The following SLC12A1 variants were observed in gnomAD, a reference collection of about 807,000 sequenced individuals.
SLC12A1 encodes the protein Na-K-2Cl cotransporter.
A neutral mutation model predicts 130.4 loss-of-function variants in SLC12A1; 89 were observed. The ratio of observed to expected loss-of-function variants is 0.68; its 90% CI spans 0.58 to 0.81. SLC12A1 has a LOEUF of 0.81. SLC12A1 is among the 40% of genes least tolerant of loss of function. SLC12A1 has a pLI of 0.00. For missense variants in SLC12A1, 1,310 were observed against 1,336.4 expected, an observed-to-expected ratio of 0.98 and a Z score of 0.31; for synonymous variants, 499 against 460.0, an observed-to-expected ratio of 1.08 and a Z score of -1.09.
chr15:48,274,683 T>C (rs141918545), intron 20 of SLC12A1, 30 bp downstream of exon 20: 116 of 1,478,954 alleles, frequency 7.8e-5, no homozygotes, highest in Non-Finnish European at 1.0e-4. Flanking sequence ...AACCAACAAG[T>C]ATTTATTGAG....
chr15:48,293,872 C>A lies in SLC12A1; in HGVS notation c.2960+2008C>A, dbSNP rs114214492. On this transcript the variant is annotated intron_variant, in intron 24 of 26. Transcript: ENST00000380993. ...GCAGCCTAGGCAACATAGCAAGACCCCCAAAAATAGCAAAAATTTGCCAGG... is the reference window on the plus strand; with the variant it reads ...GCAGCCTAGGCAACATAGCAAGACCACCAAAAATAGCAAAAATTTGCCAGG... Among the ~76,000 whole-genome samples, 16 of 151,562 alleles carry A rather than the reference C, an allele frequency of 1.1e-4. 1 individual carries two copies. Among genetic ancestry groups the A allele is most frequent in the Admixed American group, 3.9e-4 (6 of 15,216 alleles).
intron 15 of SLC12A1, among the ~76,000 whole-genome samples, chr15:48,255,451 A>G (rs12591900): frequency 0.14 from 20,893 of 151,692 alleles, 2,903 homozygotes; most frequent in African/African-American, 0.35. Context: ...AAAAAAAAAA[A>G]AAGAAGAATT....
chr15:48,277,319 A>T (rs55831142), intron 20 of SLC12A1, among the ~76,000 whole-genome samples: 18,924 of 152,034 alleles, frequency 0.12, 1,296 homozygotes, highest in Admixed American at 0.17. Context: ...AAATTAAAAA[A>T]TTTTTAAAAA....
At chr15:48,284,760 C>T (rs2141110587) in intron 20 of SLC12A1, among the ~76,000 whole-genome samples, 1 of 152,252 alleles carries the variant, frequency 6.6e-6, no homozygotes, top group South Asian at 2.1e-4. Flanking sequence ...TCACCTCGGC[C>T]TCCCAAGTAG....
intron 2 of SLC12A1, among the ~76,000 whole-genome samples, chr15:48,218,197 A>T (rs1370617749): frequency 1.3e-5 from 2 of 152,204 alleles, no homozygotes; most frequent in East Asian, 1.9e-4. Context: ...GAATCATCCT[A>T]TAATAATGGT....
chr15:48,248,410 C>T (rs1282520261), intron 13 of SLC12A1, among the ~76,000 whole-genome samples: 1 of 152,218 alleles, frequency 6.6e-6, no homozygotes, highest in Non-Finnish European at 1.5e-5. Context: ...TTGCCCTGTG[C>T]TGCATTTAAG....
intron 16 of SLC12A1, among the ~76,000 whole-genome samples, chr15:48,257,199 G>A (rs1157180975): frequency 6.6e-6 from 1 of 152,230 alleles, no homozygotes; most frequent in South Asian, 2.1e-4. Flanking sequence ...GGTTCCCAAG[G>A]TGTTGAGCAG....
In SLC12A1 at chr15:48,220,522, G is replaced by T. The variant is rs1010061593; in HGVS notation, c.421-112G>T. On this transcript the variant is annotated intron_variant, in intron 2 of 26. Transcript: ENST00000380993. Reference sequence around the variant, plus strand: ...TTCTCAGAATATATTTAGTTTGGGGGTTTTTTGGTATTTTAAGTTTTATTT... The same window carrying T: ...TTCTCAGAATATATTTAGTTTGGGGTTTTTTTGGTATTTTAAGTTTTATTT... The T allele has an allele frequency of 1.3e-4, 142 of 1,064,748 alleles. No individual in the cohort carries two copies. The African/African-American group carries it at 1.4e-3, about 10-fold the overall frequency. 66.0% of individuals were successfully genotyped at this position (1,064,748 alleles called of 1,614,324 possible). A position where few individuals can be genotyped will look rare whatever the true frequency, so the allele number is the denominator to read the frequency against.
At chr15:48,234,193 G>A (rs375473410) in intron 8 of SLC12A1, among the ~76,000 whole-genome samples, 1 of 152,158 alleles carries the variant, frequency 6.6e-6, no homozygotes, top group African/African-American at 2.4e-5. Context: ...ATGTAGTTGT[G>A]TGTGTGTGTG....
chr15:48,239,917 C>T (rs1179994186), intron 9 of SLC12A1, among the ~76,000 whole-genome samples: 1 of 151,346 alleles, frequency 6.6e-6, no homozygotes, highest in Non-Finnish European at 1.5e-5. Flanking sequence ...TCCCAAAGTG[C>T]TGGGATTACA....
intron 12 of SLC12A1, 73 bp downstream of exon 12, chr15:48,247,089 C>T (rs2041591587): frequency 1.4e-5 from 18 of 1,244,890 alleles, no homozygotes; most frequent in Non-Finnish European, 1.6e-5. Context: ...CTGAAATATT[C>T]GTTCTCACTG....
At chr15:48,299,439 G>T (rs1236902885) in intron 25 of SLC12A1, among the ~76,000 whole-genome samples, 164 bp downstream of exon 25, 3 of 152,132 alleles carry the variant, frequency 2.0e-5, no homozygotes, top group African/African-American at 7.2e-5. Context: ...TACTGGATAC[G>T]ATTATTTAGA....
Position 48,267,622 on chromosome 15 carries a change from T to C in SLC12A1, c.2216T>C (p.Leu739Pro), listed in dbSNP as rs1260839803. ...NSGMAKKQAW[L>P]IKNKIKAFYA... is the part of the protein sequence containing the mutation. Reference sequence around the variant, plus strand: ...GGCATGGCGAAAAAACAGGCCTGGCTTATAAAGAACAAAATCAAGGCTTTT... The same window carrying C: ...GGCATGGCGAAAAAACAGGCCTGGCCTATAAAGAACAAAATCAAGGCTTTT... The change falls in exon 18 of 27, where the codon CTT (leucine) becomes CCT (proline). Residue 739 changes from leucine to proline, a missense_variant. Transcript: ENST00000380993. The C allele has an allele frequency of 6.2e-7, 1 of 1,613,496 alleles. No homozygotes were observed. The highest frequency in any genetic ancestry group is 8.5e-7 in the Non-Finnish European group (1 of 1,179,650).
rs114592198 is a variant in SLC12A1, at chr15:48,225,736, T to A, written c.629-740T>A. On this transcript the variant is annotated intron_variant, in intron 4 of 26. Coordinates refer to ENST00000380993, the MANE Select transcript of SLC12A1 (RefSeq NM_000338.3). ...ACTCCATGGTGATTTCCTAGCCAACTTGTTAAACTCAAATGTGGTCCTTTG... is the reference window on the plus strand; with the variant it reads ...ACTCCATGGTGATTTCCTAGCCAACATGTTAAACTCAAATGTGGTCCTTTG... The A allele has an allele frequency of 1.2e-3, 215 of 178,318 alleles. 1 individual carries two copies. Among genetic ancestry groups the A allele is most frequent in the African/African-American group, 5.0e-3 (209 of 42,026 alleles). 11.0% of individuals were successfully genotyped at this position (178,318 alleles called of 1,614,324 possible). A position where few individuals can be genotyped will look rare whatever the true frequency, so the allele number is the denominator to read the frequency against.
chr15:48,246,509 G>A (rs372820743), intron 11 of SLC12A1, among the ~76,000 whole-genome samples: 7 of 152,292 alleles, frequency 4.6e-5, no homozygotes, highest in Middle Eastern at 3.4e-3. Flanking sequence ...GGCCAAGTGC[G>A]GTGGCTCACG....
intron 15 of SLC12A1, among the ~76,000 whole-genome samples, chr15:48,254,869 A>G (rs952983801): frequency 2.0e-5 from 3 of 151,922 alleles, no homozygotes; most frequent in Admixed American, 1.3e-4. Flanking sequence ...GCTTGCAGTA[A>G]GCCCAGATCG....
rs776306510 is a variant in SLC12A1 at position 48,285,267 on chromosome 15, T to A, written c.2629+18T>A. ...TAAAAAAGGTAAGAACTTTTTAAAATTTGCAAAAAAGTTTACAAGATGAGT... is the reference window on the plus strand; with the variant it reads ...TAAAAAAGGTAAGAACTTTTTAAAAATTGCAAAAAAGTTTACAAGATGAGT... On this transcript the variant is annotated intron_variant, in intron 21 of 26. Transcript: ENST00000380993. The A allele has an allele frequency of 6.2e-7, 1 of 1,611,180 alleles. No homozygotes were observed. The highest frequency in any genetic ancestry group is 8.5e-7 in the Non-Finnish European group (1 of 1,179,102).
intron 14 of SLC12A1, among the ~76,000 whole-genome samples, chr15:48,250,452 T>C (rs1390789787): frequency 6.6e-6 from 1 of 152,186 alleles, no homozygotes; most frequent in African/African-American, 2.4e-5. Flanking sequence ...AATACTAGGC[T>C]ACAGAAAGTA....
At chr15:48,281,702 C>G (rs372392933) in intron 20 of SLC12A1, among the ~76,000 whole-genome samples, 5 of 152,082 alleles carry the variant, frequency 3.3e-5, no homozygotes, top group Non-Finnish European at 2.9e-5. Flanking sequence ...TCCCAGTATT[C>G]GTATCAAATG....
Sources: allele counts gnomAD v4.1 joint callset (sites outside exome capture counted in the v4.1 genomes callset), GRCh38; gene constraint gnomAD v4.1.1; transcripts MANE v1.5; gene names NCBI Gene and HGNC (gene_info 2026-07-23, HGNC 2026-07-21).